DNAJC1: variants seen among roughly 807,000 people sequenced by gnomAD.
DNAJC1 encodes the protein dnaJ homolog subfamily C member 1.
DNAJC1 carries 58 observed loss-of-function variants against 76.6 expected under a neutral mutation model. The observed-to-expected ratio is 0.76, with a 90% CI of 0.61 to 0.94. The LOEUF (loss-of-function observed/expected upper bound fraction) is 0.94. Ranked by LOEUF, DNAJC1 falls within the 40% of genes least tolerant of loss-of-function variation. DNAJC1 has a pLI of 0.00. For synonymous variants in DNAJC1, 258 were observed against 267.9 expected, an observed-to-expected ratio of 0.96 and a Z score of 0.36; for missense variants, 689 against 677.3, an observed-to-expected ratio of 1.02 and a Z score of -0.19.
chr10:21,924,628 A>G (rs1045779790), intron 3 of DNAJC1, among the ~76,000 whole-genome samples: 4 of 152,242 alleles, frequency 2.6e-5, no homozygotes, highest in Non-Finnish European at 5.9e-5. Flanking sequence ...AGTTAGCTAA[A>G]GAGTTTAGAG....
intron 1 of DNAJC1, among the ~76,000 whole-genome samples, chr10:21,997,547 C>G (rs1838438808): frequency 6.6e-6 from 1 of 152,154 alleles, no homozygotes; most frequent in Non-Finnish European, 1.5e-5. Context: ...AAGGCAATCA[C>G]CCTCCAGTAA....
At chr10:21,881,230 C>T (rs1296211258) in intron 8 of DNAJC1, among the ~76,000 whole-genome samples, 1 of 152,206 alleles carries the variant, frequency 6.6e-6, no homozygotes, top group African/African-American at 2.4e-5. Flanking sequence ...ATCCAGACTA[C>T]TCAAACTTTC....
chr10:21,775,495 A>C (rs1162251890), intron 9 of DNAJC1, among the ~76,000 whole-genome samples: 1 of 152,032 alleles, frequency 6.6e-6, no homozygotes, highest in African/African-American at 2.4e-5. Context: ...GAAGTTTCCT[A>C]ATAAGTAGTG....
intron 3 of DNAJC1, among the ~76,000 whole-genome samples, chr10:21,923,126 CACATTAA>C (rs1376343955): frequency 1.3e-5 from 2 of 151,864 alleles, no homozygotes; most frequent in African/African-American, 4.8e-5. Flanking sequence ...ATGCACTGAA[CACATTAA>C]ACAGAACTAG....
intron 6 of DNAJC1, among the ~76,000 whole-genome samples, chr10:21,908,196 TATATATATAAAATATATATTATATATA>T (rs1564823966): frequency 4.9e-5 from 5 of 101,162 alleles, no homozygotes; most frequent in African/African-American, 1.2e-4. Context: ...AAATATATAT[TATATATATAAAATATATATTATATATA>T]ATATATATAA....
At chr10:21,815,495 A>G (rs992188425) in intron 8 of DNAJC1, among the ~76,000 whole-genome samples, 1 of 152,220 alleles carries the variant, frequency 6.6e-6, no homozygotes, top group Non-Finnish European at 1.5e-5. Flanking sequence ...TCTCTGACAC[A>G]GGAGTTTTAA....
Position 22,003,655 on chromosome 10 carries a change from G to T in DNAJC1, c.-221C>A. ...GTAGGCGGGCGGGGCCGCAGCCAGC[G>T]CTACGTTCCGAAGACCCTCGCCCCC... On this transcript the variant is annotated 5_prime_UTR_variant, in exon 1 of 12. Coordinates refer to ENST00000376980, the MANE Select transcript of DNAJC1 (RefSeq NM_022365.4). The T allele has an allele frequency of 2.2e-6, 1 of 447,506 alleles. No individual in the cohort carries two copies. 27.7% of individuals were successfully genotyped at this position (447,506 alleles called of 1,614,324 possible).
At chr10:21,992,649 T>A (rs1838345239) in intron 1 of DNAJC1, among the ~76,000 whole-genome samples, 1 of 152,238 alleles carries the variant, frequency 6.6e-6, no homozygotes, top group Non-Finnish European at 1.5e-5. Flanking sequence ...ACATATCTAT[T>A]GCACAGTGCT....
intron 7 of DNAJC1, among the ~76,000 whole-genome samples, chr10:21,899,740 C>T (rs748991225): frequency 9.9e-5 from 15 of 152,142 alleles, no homozygotes; most frequent in African/African-American, 3.4e-4. Context: ...ACAAGCAGTC[C>T]GGCTGCCTTT....
intron 6 of DNAJC1, among the ~76,000 whole-genome samples, chr10:21,909,908 T>G (rs1306991805): frequency 6.6e-6 from 1 of 152,194 alleles, no homozygotes; most frequent in African/African-American, 2.4e-5. Flanking sequence ...ATGAGGCATA[T>G]GCCAGAAACA....
chr10:21,843,174 T>C (rs923851561), intron 8 of DNAJC1, among the ~76,000 whole-genome samples: 1 of 152,176 alleles, frequency 6.6e-6, no homozygotes, highest in Non-Finnish European at 1.5e-5. Flanking sequence ...AGAGGAAGTA[T>C]GTATGATTAT....
At position 21,937,428 on chromosome 10, in the gene DNAJC1, A is replaced by G. The variant is rs149606264; in HGVS notation, c.223-8287T>C. On this transcript the variant is annotated intron_variant, in intron 1 of 11. Transcript: ENST00000376980. Reference sequence around the variant, plus strand: ...CCATCAAGAAGATATAACAATATAAATAACATAAACATGCACCTAACAGAG... The same window carrying G: ...CCATCAAGAAGATATAACAATATAAGTAACATAAACATGCACCTAACAGAG... Among the ~76,000 whole-genome samples the G allele has an allele frequency of 6.3e-3, 965 of 152,288 alleles. 10 individuals carry two copies. The highest frequency in any genetic ancestry group is 0.022 in the African/African-American group (896 of 41,584).
At chr10:21,882,913 G>C (rs1836305477) in intron 7 of DNAJC1, among the ~76,000 whole-genome samples, 1 of 152,008 alleles carries the variant, frequency 6.6e-6, no homozygotes, top group African/African-American at 2.4e-5. Context: ...GCAACATCAA[G>C]AGTAGTTATG....
At chr10:21,909,892 A>G (rs531188705) in intron 6 of DNAJC1, among the ~76,000 whole-genome samples, 1 of 152,332 alleles carries the variant, frequency 6.6e-6, no homozygotes, top group South Asian at 2.1e-4. Context: ...TCAACCAGTG[A>G]CAGACATGAG....
intron 8 of DNAJC1, among the ~76,000 whole-genome samples, chr10:21,861,182 A>G (rs1054560220): frequency 2.6e-5 from 4 of 152,200 alleles, no homozygotes; most frequent in Non-Finnish European, 4.4e-5. Context: ...TTCTAAGCCC[A>G]TTGCATTTTC....
In DNAJC1 at chr10:21,827,084, A is replaced by G. The variant is rs552418214; in HGVS notation, c.979-20985T>C. 7.9e-5 allele frequency among the ~76,000 whole-genome samples: 12 copies of G among 152,200 alleles called. No individual in the cohort carries two copies. The East Asian group carries it at 2.3e-3, about 29-fold the overall frequency. The stretch of plus-strand genomic sequence containing the variant: ...ATTAAGTCTTCCAATCCATGAACAT[A>G]AGACGGTTTTCCATTTATTTAAGTT... On this transcript the variant is annotated intron_variant, in intron 8 of 11. Coordinates refer to ENST00000376980, the MANE Select transcript of DNAJC1 (RefSeq NM_022365.4).
At chr10:21,904,735 A>G (rs986257094) in intron 6 of DNAJC1, 123 bp from the exon 7 acceptor site, 36 of 516,284 alleles carry the variant, frequency 7.0e-5, no homozygotes, top group Middle Eastern at 4.2e-4. Flanking sequence ...TTTGTTTTCA[A>G]ATTTTATGAT....
chr10:21,928,985 C>T (rs982874977), intron 2 of DNAJC1, 55 bp downstream of exon 2: 3 of 1,084,386 alleles, frequency 2.8e-6, no homozygotes, highest in African/African-American at 3.2e-5. Context: ...TTTCTACCAT[C>T]GACATGTTAA....
At chr10:21,799,519 T>C (rs1315751509) in intron 9 of DNAJC1, among the ~76,000 whole-genome samples, 1 of 152,154 alleles carries the variant, frequency 6.6e-6, no homozygotes, top group Non-Finnish European at 1.5e-5. Context: ...CCCAGGCTGG[T>C]CGCAAACTTC....
Sources: allele counts gnomAD v4.1 joint callset (sites outside exome capture counted in the v4.1 genomes callset), GRCh38; gene constraint gnomAD v4.1.1; transcripts MANE v1.5; gene names NCBI Gene and HGNC (gene_info 2026-07-23, HGNC 2026-07-21).